CSNK1G1: variants seen among roughly 807,000 people sequenced by gnomAD.
CSNK1G1 encodes the protein casein kinase I isoform gamma-1.
CSNK1G1 carries 22 observed loss-of-function variants against 59.6 expected under a neutral mutation model. The ratio of observed to expected loss-of-function variants is 0.37; its 90% CI spans 0.26 to 0.53. The LOEUF (loss-of-function observed/expected upper bound fraction) is 0.53. Among genes scored for constraint, CSNK1G1 ranks in the 20% least tolerant of loss-of-function variants. CSNK1G1 has a pLI of 0.89. For synonymous variants in CSNK1G1, 179 were observed against 177.1 expected, an observed-to-expected ratio of 1.01 and a Z score of -0.08; for missense variants, 384 against 519.5, an observed-to-expected ratio of 0.74 and a Z score of 2.54.
intron 4 of CSNK1G1, among the ~76,000 whole-genome samples, chr15:64,233,444 T>C (rs1276803176): frequency 6.6e-6 from 1 of 152,190 alleles, no homozygotes; most frequent in East Asian, 1.9e-4. Context: ...TTACTCTATG[T>C]GGCTCAGGTG....
chr15:64,179,881 T>TA (rs1342635991), intron 11 of CSNK1G1, among the ~76,000 whole-genome samples: 1 of 152,200 alleles, frequency 6.6e-6, no homozygotes, highest in South Asian at 2.1e-4. Flanking sequence ...TTGCCTGACT[T>TA]AGTCTCTCTG....
chr15:64,231,458 T>C (rs931926417), intron 4 of CSNK1G1, among the ~76,000 whole-genome samples: 3 of 146,834 alleles, frequency 2.0e-5, no homozygotes, highest in East Asian at 3.9e-4. Flanking sequence ...CACACACACA[T>C]ATACATATAT....
At chr15:64,237,433 GT>G (rs2082631233) in intron 4 of CSNK1G1, among the ~76,000 whole-genome samples, 1 of 152,138 alleles carries the variant, frequency 6.6e-6, no homozygotes, top group African/African-American at 2.4e-5. Flanking sequence ...CCCAGGTTAT[GT>G]AAATTTTCTA....
chr15:64,325,870 C>G (rs1270174102), intron 1 of CSNK1G1, among the ~76,000 whole-genome samples: 1 of 152,214 alleles, frequency 6.6e-6, no homozygotes, highest in Non-Finnish European at 1.5e-5. Flanking sequence ...GACAGAGAGA[C>G]AGAGAGTTAG....
intron 4 of CSNK1G1, among the ~76,000 whole-genome samples, chr15:64,249,847 AT>A (rs974823515): frequency 8.6e-5 from 13 of 151,946 alleles, no homozygotes; most frequent in Admixed American, 4.6e-4. Flanking sequence ...AATACATTAG[AT>A]TTTTTTTGGC....
intron 6 of CSNK1G1, among the ~76,000 whole-genome samples, chr15:64,211,453 A>T (rs1386271268): frequency 1.3e-5 from 2 of 152,230 alleles, no homozygotes; most frequent in African/African-American, 4.8e-5. Context: ...ATTTGACCTG[A>T]AAAACTCTGG....
chr15:64,351,929 G>C (rs1177429351), intron 1 of CSNK1G1, among the ~76,000 whole-genome samples: 2 of 151,974 alleles, frequency 1.3e-5, no homozygotes, highest in Non-Finnish European at 2.9e-5. Context: ...AGAAGACAGG[G>C]GAAAAAGTGG....
rs758465725 is a variant in CSNK1G1, at chr15:64,300,457, T to C, written c.43A>G (p.Thr15Ala). 13 of 1,614,168 alleles carry C rather than the reference T, an allele frequency of 8.1e-6. 1 individual carries two copies. Among genetic ancestry groups the C allele is most frequent in the South Asian group, 3.3e-5 (3 of 91,084 alleles). Residue 15 changes from threonine (T) to alanine (A), a missense_variant, in exon 2 of 12, where the codon ACT becomes GCT. Physicochemically the swap from Thr to Ala is moderately conservative, Grantham distance 58. This residue lies in a region of CSNK1G1 where 56 missense variants were observed against 60.8 expected (regional missense o/e 0.92). Coordinates refer to ENST00000303052, the MANE Select transcript of CSNK1G1 (RefSeq NM_022048.5). ...GCACTCCTTTGTGCCATGGGTTTAG[T>C]TGTCCGTTGTCTTTCATCCTTTTCC... ...SREKDERQRT[T>A]KPMAQRSAHC...
chr15:64,299,251 C>T (rs765221201), intron 2 of CSNK1G1, among the ~76,000 whole-genome samples: 3 of 152,100 alleles, frequency 2.0e-5, no homozygotes, highest in Non-Finnish European at 1.5e-5. Flanking sequence ...ATTTATACGG[C>T]CTTTTATTTT....
chr15:64,184,750 C>T (rs1176793511), intron 10 of CSNK1G1, among the ~76,000 whole-genome samples: 1 of 151,510 alleles, frequency 6.6e-6, no homozygotes, highest in African/African-American at 2.4e-5. Flanking sequence ...TAAAATTAAT[C>T]GCTCATTACT....
chr15:64,338,700 C>CAAAAAAAAAAA (rs34206192), intron 1 of CSNK1G1, among the ~76,000 whole-genome samples: 3 of 31,532 alleles, frequency 9.5e-5, no homozygotes, highest in African/African-American at 5.6e-4. Context: ...AACTCGGTCT[C>CAAAAAAAAAAA]AAAAAAAAAA....
chr15:64,266,007 C>A, intron 2 of CSNK1G1: 1 of 313,488 alleles, frequency 3.2e-6, no homozygotes, highest in South Asian at 2.7e-5. Context: ...ATGTTTGAGT[C>A]TAGGATCTTT....
chr15:64,192,110 CTAGT>C (rs760956770), intron 10 of CSNK1G1, among the ~76,000 whole-genome samples: 9 of 152,172 alleles, frequency 5.9e-5, no homozygotes, highest in Non-Finnish European at 1.3e-4. Flanking sequence ...AGCACAGTAG[CTAGT>C]TAGATTAAGC....
chr15:64,313,110 G>C (rs1356305420), intron 1 of CSNK1G1, among the ~76,000 whole-genome samples: 3 of 152,192 alleles, frequency 2.0e-5, no homozygotes, highest in Non-Finnish European at 4.4e-5. Context: ...ACAGATGCTG[G>C]AGAGGATGTG....
rs2081634886 is a variant in CSNK1G1 at position 64,169,062 on chromosome 15, A to C, written c.*2869T>G. 1 of 152,152 alleles carries C rather than the reference A, an allele frequency of 6.6e-6. No individual in the cohort carries two copies. The highest frequency in any genetic ancestry group is 2.1e-4 in the South Asian group (1 of 4,806). 9.4% of individuals were successfully genotyped at this position (152,152 alleles called of 1,614,324 possible). On this transcript the variant is annotated 3_prime_UTR_variant, in exon 12 of 12. Transcript: ENST00000303052. Reference sequence around the variant, plus strand: ...CTGATCCAGTAAAAATTTTAAGACAAAAAAAAAGTCGCAAATCCAGCTGCA... The same window carrying C: ...CTGATCCAGTAAAAATTTTAAGACACAAAAAAAGTCGCAAATCCAGCTGCA...
At chr15:64,234,696 C>T (rs1596136146) in intron 4 of CSNK1G1, among the ~76,000 whole-genome samples, 2 of 152,282 alleles carry the variant, frequency 1.3e-5, no homozygotes, top group East Asian at 3.9e-4. Flanking sequence ...GAAAGAAAAG[C>T]ATGGTCTGTA....
intron 11 of CSNK1G1, among the ~76,000 whole-genome samples, chr15:64,178,350 C>T (rs2081765953): frequency 6.6e-6 from 1 of 152,044 alleles, no homozygotes; most frequent in South Asian, 2.1e-4. Context: ...GTGCCTTATA[C>T]AAGCTGGGAG....
chr15:64,193,299 G>A (rs1289808571), intron 10 of CSNK1G1, among the ~76,000 whole-genome samples: 15 of 151,892 alleles, frequency 9.9e-5, no homozygotes, highest in Non-Finnish European at 2.2e-4. Flanking sequence ...AGACCATCCT[G>A]GCCAACACGG....
At chr15:64,256,066 G>T (rs943931568) in intron 3 of CSNK1G1, among the ~76,000 whole-genome samples, 1 of 152,114 alleles carries the variant, frequency 6.6e-6, no homozygotes, top group Non-Finnish European at 1.5e-5. Context: ...TCTCCATCTG[G>T]TTGCAGATAT....
Sources: allele counts gnomAD v4.1 joint callset (sites outside exome capture counted in the v4.1 genomes callset), GRCh38; gene constraint gnomAD v4.1.1; regional missense constraint gnomAD v4.1.1; transcripts MANE v1.5; gene names NCBI Gene and HGNC (gene_info 2026-07-23, HGNC 2026-07-21).